The following PRPF8 variants were observed in gnomAD, a reference collection of about 807,000 sequenced individuals.
PRPF8 encodes pre-mRNA-processing-splicing factor 8.
A neutral mutation model predicts 285.9 loss-of-function variants in PRPF8; 64 were observed. The observed-to-expected ratio is 0.22, with a 90% CI of 0.18 to 0.28. The LOEUF is 0.28. Among genes scored for constraint, PRPF8 ranks in the 10% least tolerant of loss-of-function variants. The probability of loss-of-function intolerance (pLI) is 1.00; values close to 1 mark genes in which losing one functional copy is unlikely to be tolerated. For missense variants in PRPF8, 1,426 were observed against 3,026.7 expected (o/e 0.47, Z 12.41); for synonymous variants, 1,325 against 1,118.2 (o/e 1.18, Z -3.69).
At chr17:1,674,793 C>A in intron 20 of PRPF8, 113 bp from the exon 21 acceptor site, 1 of 1,127,690 alleles carries the variant, frequency 8.9e-7, no homozygotes, top group Non-Finnish European at 1.3e-6. Context: ...ACTCCCGAGG[C>A]GGAGTTGTGC....
chr17:1,676,845 T>C lies in PRPF8; in HGVS notation c.2181+131A>G. 1.4e-6 allele frequency: 2 copies of C among 1,468,846 alleles called. No homozygotes were observed. The highest frequency in any genetic ancestry group is 1.9e-6 in the Non-Finnish European group (2 of 1,059,486). 91.0% of individuals were successfully genotyped at this position (1,468,846 alleles called of 1,614,324 possible). On this transcript the variant is annotated intron_variant, in intron 15 of 42. Transcript: ENST00000304992. This position sits in a 1 kb window ranked among gnomAD's most constrained non-coding sequence, Gnocchi z 6.3. ...CTTGAGGCCAGCCTAAGCAACATGG[T>C]GCTTCTTTTCCCTGTCTAAAAGGGA...
At position 1,660,987 on chromosome 17, in the gene PRPF8, C is replaced by T; in HGVS notation, c.4508+6G>A. The T allele has an allele frequency of 6.2e-7, 1 of 1,613,688 alleles. No homozygotes were observed. The highest frequency in any genetic ancestry group is 8.5e-7 in the Non-Finnish European group (1 of 1,180,012). Reference sequence around the variant, plus strand: ...ACAGGTCCCTCTAAGAGAGGAGAATCCTCACCAGAAAAGCCCCTCCCAGGT... The same window carrying T: ...ACAGGTCCCTCTAAGAGAGGAGAATTCTCACCAGAAAAGCCCCTCCCAGGT... On this transcript the variant is annotated splice_donor_region_variant and intron_variant, in intron 28 of 42. Transcript: ENST00000304992.
chr17:1,665,675 C>T (rs540071399), intron 24 of PRPF8, among the ~76,000 whole-genome samples: 33 of 151,796 alleles, frequency 2.2e-4, no homozygotes, highest in Non-Finnish European at 4.6e-4. Flanking sequence ...AACCCTGTCT[C>T]TACTAAAAAC....
Position 1,675,976 on chromosome 17 carries a change from C to A in PRPF8, c.2631G>T (p.Ala877=). 1 of 1,614,020 alleles carries A rather than the reference C, an allele frequency of 6.2e-7. No individual in the cohort carries two copies. The highest frequency in any genetic ancestry group is 1.7e-5 in the Admixed American group (1 of 60,014). Residue 877 remains alanine (A), a synonymous_variant, in exon 18 of 43, where the codon GCG becomes GCT. Transcript: ENST00000304992. This position sits in a 1 kb window ranked among gnomAD's most constrained non-coding sequence, Gnocchi z 6.0. ...IEQAYDNPHE[A]LSRIKRHLLT... is the part of the protein sequence containing the mutation. Reference sequence around the variant, plus strand: ...GGAGGTGACGCTTGATGCGGGACAGCGCCTCGTGGGGGTTATCGTAGGCCT... The same window carrying A: ...GGAGGTGACGCTTGATGCGGGACAGAGCCTCGTGGGGGTTATCGTAGGCCT...
intron 2 of PRPF8, 58 bp downstream of exon 2, chr17:1,684,412 TGC>T (rs964339200): frequency 1.3e-5 from 20 of 1,573,532 alleles, no homozygotes; most frequent in African/African-American, 1.1e-4. Context: ...CCCACCCGCC[TGC>T]GCGCGCGCAC....
Position 1,651,894 on chromosome 17 carries a change from T to C in PRPF8, c.6370-106A>G, listed in dbSNP as rs1405983509. The C allele has an allele frequency of 1.3e-5, 18 of 1,414,552 alleles. No individual in the cohort carries two copies. The highest frequency in any genetic ancestry group is 3.4e-5 in the Admixed American group (2 of 59,490). 87.6% of individuals were successfully genotyped at this position (1,414,552 alleles called of 1,614,324 possible). On this transcript the variant is annotated intron_variant, in intron 39 of 42. Transcript: ENST00000304992. This position sits in a 1 kb window ranked among gnomAD's most constrained non-coding sequence, Gnocchi z 5.1. Reference sequence around the variant, plus strand: ...TTCCCCCAAGAACGAGGACAGAGTTTCTTAAAACGTGATCAGAACCCCCTG... The same window carrying C: ...TTCCCCCAAGAACGAGGACAGAGTTCCTTAAAACGTGATCAGAACCCCCTG...
In PRPF8 at chr17:1,651,654, G is replaced by A. The variant is rs753995574; in HGVS notation, c.6504C>T (p.Tyr2168=). The A allele has an allele frequency of 2.4e-5, 39 of 1,614,130 alleles. No homozygotes were observed. The South Asian group carries it at 3.8e-4, about 16-fold the overall frequency. Residue 2168 remains tyrosine, a synonymous_variant, in exon 40 of 43, where the codon TAC becomes TAT. Coordinates refer to ENST00000304992, the MANE Select transcript of PRPF8 (RefSeq NM_006445.4). The surrounding 1 kb of genome is among the most constrained non-coding windows in gnomAD (Gnocchi z 5.1). The stretch of plus-strand genomic sequence containing the variant: ...CTCCATCACTCCCCATTACCTTGAG[G>A]TACTCATGCTGGGGCAGCTGGCCAG... ...HLPGQLPQHE[Y]LKEMEPLGWI... is the part of the protein sequence containing the mutation.
chr17:1,655,884 C>T (rs2151112751), intron 36 of PRPF8, among the ~76,000 whole-genome samples: 1 of 151,352 alleles, frequency 6.6e-6, no homozygotes, highest in African/African-American at 2.4e-5. Context: ...CTCGGCCTCC[C>T]AAAGTGCTGG....
rs1179488726 is a variant in PRPF8 at position 1,675,752 on chromosome 17, G to A, written c.2740C>T (p.Leu914=). Residue 914 remains leucine, a synonymous_variant, in exon 19 of 43, where the codon CTG becomes TTG. Coordinates refer to ENST00000304992, the MANE Select transcript of PRPF8 (RefSeq NM_006445.4). The surrounding 1 kb of genome is among the most constrained non-coding windows in gnomAD (Gnocchi z 6.0). ...AGGTAAGCATCAGTTATCTTCTCCA[G>A]GGGCTCAACATCATATACTGGAACG... The part of the protein sequence containing the change: ...HLVPVYDVEP[L]EKITDAYLDQ... The A allele has an allele frequency of 6.2e-7, 1 of 1,614,134 alleles. No homozygotes were observed. The highest frequency in any genetic ancestry group is 8.5e-7 in the Non-Finnish European group (1 of 1,180,036).
chr17:1,660,267 GCTGA>G (rs1177278268), intron 30 of PRPF8, among the ~76,000 whole-genome samples, 161 bp downstream of exon 30: 2 of 140,600 alleles, frequency 1.4e-5, no homozygotes, highest in South Asian at 4.2e-4. Context: ...TTCCACCTGA[GCTGA>G]CTCTCTACAG....
intron 24 of PRPF8, among the ~76,000 whole-genome samples, chr17:1,668,855 C>T (rs973462658): frequency 6.6e-6 from 1 of 152,110 alleles, no homozygotes; most frequent in Admixed American, 6.6e-5. Flanking sequence ...TCCCAACACA[C>T]CTTCCAATCC....
intron 34 of PRPF8, among the ~76,000 whole-genome samples, chr17:1,657,445 A>G (rs1174702801): frequency 1.3e-5 from 2 of 152,074 alleles, no homozygotes; most frequent in Non-Finnish European, 2.9e-5. Flanking sequence ...GGAGATTGAG[A>G]CCATCCTGGC....
At chr17:1,660,151 C>T in intron 30 of PRPF8, 150 bp from the exon 31 acceptor site, 3 of 1,091,512 alleles carry the variant, frequency 2.7e-6, no homozygotes, top group Non-Finnish European at 4.2e-6. Flanking sequence ...TGAGCTGACT[C>T]TGTACAGCAC....
intron 34 of PRPF8, among the ~76,000 whole-genome samples, chr17:1,657,990 AGAG>A (rs1322393333): frequency 1.6e-4 from 24 of 147,174 alleles, no homozygotes; most frequent in Non-Finnish European, 2.8e-4. Flanking sequence ...AAAAAAAAAA[AGAG>A]TATGCGTTGC....
chr17:1,677,625 G>A lies in PRPF8; in HGVS notation c.1924C>T (p.Arg642Cys). The A allele has an allele frequency of 1.2e-6, 2 of 1,613,898 alleles. No individual in the cohort carries two copies. Among genetic ancestry groups the A allele is most frequent in the Non-Finnish European group, 1.7e-6 (2 of 1,179,984 alleles). The change falls in exon 14 of 43, where the codon CGT becomes TGT. Residue 642 changes from arginine (R) to cysteine (C), a missense_variant. Around this residue, in one of 34 missense-constraint regions of PRPF8, gnomAD observed 69 missense variants for 134.7 expected, o/e 0.51. Coordinates refer to ENST00000304992, the MANE Select transcript of PRPF8 (RefSeq NM_006445.4). ...CGCTCTAATAAAGGGGTAATGCCAC[G>A]CATGAAAAAGAGCCAGACTCGCCAA... ...AGWRVWLFFM[R>C]GITPLLERWL...
intron 34 of PRPF8, 145 bp from the exon 35 acceptor site, chr17:1,656,906 G>GT (rs1302056284): frequency 2.5e-6 from 2 of 803,312 alleles, no homozygotes; most frequent in Non-Finnish European, 4.2e-6. Flanking sequence ...GGTACAAAGA[G>GT]TATCAAATGG....
At chr17:1,654,196 A>G (rs1255794058) in intron 37 of PRPF8, 180 bp from the exon 38 acceptor site, 5 of 888,472 alleles carry the variant, frequency 5.6e-6, no homozygotes, top group African/African-American at 3.3e-5. Flanking sequence ...AAGATTCGTC[A>G]GATCCAAGCG....
rs1323365981 is a variant in PRPF8 at position 1,655,091 on chromosome 17, G to A, written c.5987+259C>T. ...TCCTGCCTCAGCCTCCCGAGTAGCTGGGATTACAGGTAGGCGCCATCGCAC... is the reference window on the plus strand; with the variant it reads ...TCCTGCCTCAGCCTCCCGAGTAGCTAGGATTACAGGTAGGCGCCATCGCAC... On this transcript the variant is annotated intron_variant, in intron 37 of 42. Coordinates refer to ENST00000304992, the MANE Select transcript of PRPF8 (RefSeq NM_006445.4). The A allele has an allele frequency of 2.2e-5, 10 of 459,788 alleles. No individual in the cohort carries two copies. The Admixed American group carries it at 3.0e-4, about 14-fold the overall frequency. The allele number at this position is 459,788 out of a possible 1,614,324, so 28.5% of individuals were successfully genotyped here. A position where few individuals can be genotyped will look rare whatever the true frequency, so the allele number is the denominator to read the frequency against.
rs1329085730 is a variant in PRPF8, at chr17:1,677,180, TAG to T, written c.1985-10_1985-9del. The T allele has an allele frequency of 1.2e-6, 2 of 1,612,632 alleles. No individual in the cohort carries two copies. The highest frequency in any genetic ancestry group is 1.7e-6 in the Non-Finnish European group (2 of 1,179,808). ...CCCCCTTTGAGTGTCGACCTGGAAG[TAG>T]AGTGTCCCAAGGGGATTACAAGGAA... is the stretch of plus-strand genomic sequence containing the variant. On this transcript the variant is annotated splice_polypyrimidine_tract_variant and intron_variant, in intron 14 of 42. Coordinates refer to ENST00000304992, the MANE Select transcript of PRPF8 (RefSeq NM_006445.4).
Sources: gnomAD v4.1 joint callset for allele counts (sites outside exome capture counted in the v4.1 genomes callset) on GRCh38, gnomAD v4.1.1 for gene constraint, gnomAD v4.1.1 regional missense constraint, Gnocchi (gnomAD v3.1) non-coding constraint, MANE v1.5 for transcripts, NCBI Gene and HGNC (gene_info 2026-07-23, HGNC 2026-07-21) for gene names.